Variants in STARD9 observed in about 807,000 individuals in gnomAD.
STARD9 encodes StAR related lipid transfer domain containing 9, also known as stAR-related lipid transfer protein 9.
A neutral mutation model predicts 399.8 loss-of-function variants in STARD9; 346 were observed. That is an observed-to-expected ratio of 0.87 (90% confidence interval 0.79 to 0.95). The LOEUF (loss-of-function observed/expected upper bound fraction) is 0.95, where lower values mean the gene tolerates loss of function less well. Among genes scored for constraint, STARD9 ranks in the 40% least tolerant of loss-of-function variants. The pLI is 0.00. For synonymous variants in STARD9, 2,203 were observed against 2,143.5 expected (o/e 1.03, Z -0.77); for missense variants, 5,832 against 5,667.5 (o/e 1.03, Z -0.93).
chr15:42,673,910 T>C (rs2060255245), intron 16 of STARD9: 2 of 456,384 alleles, frequency 4.4e-6, no homozygotes, highest in Non-Finnish European at 8.8e-6. Context: ...CTATTTGTGC[T>C]TTTACCCTTC....
intron 8 of STARD9, among the ~76,000 whole-genome samples, 155 bp downstream of exon 8, chr15:42,651,240 C>CA (rs780352583): frequency 2.0e-5 from 3 of 152,152 alleles, no homozygotes; most frequent in Non-Finnish European, 4.4e-5. Flanking sequence ...ATAGTGTTCA[C>CA]AGGGTAAGGG....
chr15:42,579,366 C>T (rs1233494482), intron 1 of STARD9, among the ~76,000 whole-genome samples: 1 of 152,192 alleles, frequency 6.6e-6, no homozygotes, highest in East Asian at 1.9e-4. Flanking sequence ...GAACATTTCT[C>T]ACCTTCTTAA....
rs1480895092 is a variant in STARD9, at chr15:42,663,419, A to T, written c.1007A>T (p.Tyr336Phe). 18 of 1,537,162 alleles carry T rather than the reference A, an allele frequency of 1.2e-5. No homozygotes were observed. Among genetic ancestry groups the T allele is most frequent in the Non-Finnish European group, 1.4e-5 (16 of 1,146,914 alleles). The change falls in exon 12 of 33, where the codon TAC becomes TTC. Residue 336 changes from tyrosine (Y) to phenylalanine (F), a missense_variant. Around this residue, in one of 2 missense-constraint regions of STARD9, gnomAD observed 5,828 missense variants for 5,651.1 expected, o/e 1.03. Coordinates refer to ENST00000290607, the MANE Select transcript of STARD9 (RefSeq NM_020759.3). The part of the protein sequence containing the change: ...APSRRQSYIP[Y>F]RDSVLTWLLK... Reference sequence around the variant, plus strand: ...TCCCGAAGGCAGTCTTATATCCCATACCGAGACTCTGTGTTGACCTGGCTG... The same window carrying T: ...TCCCGAAGGCAGTCTTATATCCCATTCCGAGACTCTGTGTTGACCTGGCTG...
Position 42,690,433 on chromosome 15 carries a change from C to CT in STARD9, c.8857dup (p.Cys2953LeufsTer26), listed in dbSNP as rs2060663879. The CT allele has an allele frequency of 6.5e-7, 1 of 1,537,108 alleles. No homozygotes were observed. The highest frequency in any genetic ancestry group is 8.7e-7 in the Non-Finnish European group (1 of 1,146,910). On this transcript the variant is annotated frameshift_variant, in exon 23 of 33. Coordinates refer to ENST00000290607, the MANE Select transcript of STARD9 (RefSeq NM_020759.3). LOFTEE classifies it high-confidence loss of function. ...AGAGGGAAAGAGAGCAGAACTCTTC[C>CT]TTGCCGACAGCCATGCAGTTCTCAA... is the stretch of plus-strand genomic sequence containing the variant.
rs879731334 is a variant in STARD9 at position 42,719,954 on chromosome 15, C to T, written c.*380C>T. Reference sequence around the variant, plus strand: ...CTGCAGTGCTTTGGCAAGGTGCTTCCGCAGGCTGGTAGGGAAGCAGGCAGC... The same window carrying T: ...CTGCAGTGCTTTGGCAAGGTGCTTCTGCAGGCTGGTAGGGAAGCAGGCAGC... On this transcript the variant is annotated 3_prime_UTR_variant, in exon 33 of 33. Transcript: ENST00000290607. 14 of 176,840 alleles carry T rather than the reference C, an allele frequency of 7.9e-5. No homozygotes were observed. Among genetic ancestry groups the T allele is most frequent in the Admixed American group, 1.2e-4 (2 of 16,906 alleles). 11.0% of individuals were successfully genotyped at this position (176,840 alleles called of 1,614,324 possible). A position where few individuals can be genotyped will look rare whatever the true frequency, so the allele number is the denominator to read the frequency against.
chr15:42,643,351 C>T (rs2059577909), intron 7 of STARD9, among the ~76,000 whole-genome samples: 1 of 152,070 alleles, frequency 6.6e-6, no homozygotes, highest in South Asian at 2.1e-4. Context: ...CACACACCAC[C>T]ATGCCTGGCT....
At chr15:42,718,993 A>G in intron 32 of STARD9, 83 bp downstream of exon 32, 1 of 1,328,796 alleles carries the variant, frequency 7.5e-7, no homozygotes, top group Non-Finnish European at 1.0e-6. Flanking sequence ...CTCGCTTTTG[A>G]ACACCCTCCA....
Position 42,638,015 on chromosome 15 carries a change from G to A in STARD9, c.385-11G>A, listed in dbSNP as rs1432579389. 1.3e-6 allele frequency: 2 copies of A among 1,537,194 alleles called. No individual in the cohort carries two copies. The highest frequency in any genetic ancestry group is 1.7e-6 in the Non-Finnish European group (2 of 1,146,924). On this transcript the variant is annotated splice_polypyrimidine_tract_variant and intron_variant, in intron 5 of 32. Coordinates refer to ENST00000290607, the MANE Select transcript of STARD9 (RefSeq NM_020759.3). ...TCCTACAATGAAACCCCAACCCTCT[G>A]GTTTGTGCAGGGTCTCTTCGTCAGG...
rs2060616638 is a variant in STARD9 at position 42,688,586 on chromosome 15, C to T, written c.7008C>T (p.Pro2336=). The T allele has an allele frequency of 7.8e-6, 12 of 1,537,510 alleles. No homozygotes were observed. The highest frequency in any genetic ancestry group is 1.0e-5 in the Non-Finnish European group (12 of 1,147,034). The change falls in exon 23 of 33, where the codon CCC becomes CCT. Residue 2336 remains proline (P), a synonymous_variant. Coordinates refer to ENST00000290607, the MANE Select transcript of STARD9 (RefSeq NM_020759.3). ...PLHQDLSNTL[P]LNSPRWPRRC... ...ACCAAGACCTGAGTAATACCTTGCC[C>T]TTGAATTCTCCAAGGTGGCCAAGAA...
chr15:42,718,449 A>G lies in STARD9; in HGVS notation c.13777A>G (p.Asn4593Asp). ...NSISLVYLVC[N>D]TTLCALKQPR... is the part of the protein sequence containing the mutation. ...TGTCCCTCCAGTGTACTTGGTGTGC[A>G]ACACCACCCTGTGCGCACTGAAGCA... Residue 4593 changes from asparagine (N) to aspartate (D), a missense_variant, in exon 31 of 33, where the codon AAC (asparagine) becomes GAC (aspartate). By Grantham distance (23) the Asn-to-Asp change is conservative. Around this residue, in one of 2 missense-constraint regions of STARD9, gnomAD observed 5,828 missense variants for 5,651.1 expected, o/e 1.03. Coordinates refer to ENST00000290607, the MANE Select transcript of STARD9 (RefSeq NM_020759.3). 1.3e-6 allele frequency: 2 copies of G among 1,536,974 alleles called. No homozygotes were observed. Among genetic ancestry groups the G allele is most frequent in the African/African-American group, 1.4e-5 (1 of 73,122 alleles).
At chr15:42,642,710 C>T (rs114128771) in intron 7 of STARD9, among the ~76,000 whole-genome samples, 2,430 of 152,268 alleles carry the variant, frequency 0.016, 69 homozygotes, top group African/African-American at 0.056. Flanking sequence ...CACCATTTTA[C>T]CATTAAGTAA....
chr15:42,684,146 A>G lies in STARD9; in HGVS notation c.2568A>G (p.Thr856=), dbSNP rs1012623423. 1.8e-5 allele frequency: 27 copies of G among 1,535,770 alleles called. No individual in the cohort carries two copies. The highest frequency in any genetic ancestry group is 2.4e-5 in the Non-Finnish European group (27 of 1,145,932). The part of the protein sequence containing the change: ...SIFLSWDPST[T]LPPRPDPTHQ... Reference sequence around the variant, plus strand: ...TCCTAAGTTGGGATCCCTCTACCACATTGCCACCTAGGCCTGACCCTACAC... The same window carrying G: ...TCCTAAGTTGGGATCCCTCTACCACGTTGCCACCTAGGCCTGACCCTACAC... Residue 856 remains threonine, a synonymous_variant, in exon 23 of 33, where the codon ACA becomes ACG. Transcript: ENST00000290607.
At chr15:42,706,887 C>A (rs1305090928) in intron 26 of STARD9, among the ~76,000 whole-genome samples, 1 of 152,144 alleles carries the variant, frequency 6.6e-6, no homozygotes, top group Non-Finnish European at 1.5e-5. Flanking sequence ...ATTCATCCAT[C>A]CATCTATCTA....
chr15:42,597,968 G>A (rs1385105555), intron 3 of STARD9, among the ~76,000 whole-genome samples: 1 of 150,568 alleles, frequency 6.6e-6, no homozygotes, highest in Non-Finnish European at 1.5e-5. Flanking sequence ...ACTGCTCCCA[G>A]CCTGTGTGTG....
chr15:42,665,827 G>C lies in STARD9; in HGVS notation c.1296G>C (p.Leu432=), dbSNP rs1347588591. ...TGAGTGATGAAAACCTGAAGGAGCT[G>C]GTTCTCCAAAATGAATTGAAGGTGG... ...SSLSDENLKE[L]VLQNELKIDQ... Residue 432 remains leucine (L), a synonymous_variant, in exon 15 of 33, where the codon CTG becomes CTC. Transcript: ENST00000290607. 5.9e-6 allele frequency: 9 copies of C among 1,537,186 alleles called. No individual in the cohort carries two copies. The South Asian group carries it at 9.5e-5, about 16-fold the overall frequency.
At chr15:42,608,654 T>C (rs969748928) in intron 3 of STARD9, among the ~76,000 whole-genome samples, 4 of 152,198 alleles carry the variant, frequency 2.6e-5, no homozygotes, top group African/African-American at 9.6e-5. Flanking sequence ...ACTTGAAGCA[T>C]CTTTGACATA....
chr15:42,696,534 T>C (rs972369095), intron 26 of STARD9, among the ~76,000 whole-genome samples: 11 of 152,186 alleles, frequency 7.2e-5, no homozygotes. Context: ...ATTGTGTTAC[T>C]TCCCAAAAGT....
At chr15:42,655,646 A>G (rs1030862871) in intron 9 of STARD9, among the ~76,000 whole-genome samples, 3 of 152,222 alleles carry the variant, frequency 2.0e-5, no homozygotes, top group Admixed American at 1.3e-4. Flanking sequence ...AGAAGATAAC[A>G]TTGGAAAAAT....
rs973568713 is a variant in STARD9, at chr15:42,693,694, C to T, written c.12116C>T (p.Pro4039Leu). ...TTTGTGCCTGAGAAGGTGGCTTCCC[C>T]GGAGCATTGCCCACTGAGCGGTAGG... ...NSFVPEKVAS[P>L]EHCPLSGREP... The change falls in exon 23 of 33, where the codon CCG becomes CTG. Residue 4039 changes from proline to leucine, a missense_variant. Transcript: ENST00000290607. 98 of 1,537,022 alleles carry T rather than the reference C, an allele frequency of 6.4e-5. No individual in the cohort carries two copies. The highest frequency in any genetic ancestry group is 4.7e-4 in the Admixed American group (24 of 50,984).
Sources: gnomAD v4.1 joint callset for allele counts (sites outside exome capture counted in the v4.1 genomes callset) on GRCh38, gnomAD v4.1.1 for gene constraint, gnomAD v4.1.1 regional missense constraint, MANE v1.5 for transcripts, NCBI Gene and HGNC (gene_info 2026-07-23, HGNC 2026-07-21) for gene names.